Variants in SLC39A6 observed in about 807,000 individuals in gnomAD.
SLC39A6 encodes the protein solute carrier family 39 member 6.
Under a neutral mutation model 63.5 loss-of-function variants are expected in SLC39A6, and 51 were observed. The ratio of observed to expected loss-of-function variants is 0.80; its 90% CI spans 0.64 to 1.01. The LOEUF (loss-of-function observed/expected upper bound fraction) is 1.01. Among genes scored for constraint, SLC39A6 ranks in the 50% least tolerant of loss-of-function variants. The probability of loss-of-function intolerance (pLI) is 0.00; values close to 1 mark genes in which losing one functional copy is unlikely to be tolerated. For missense variants in SLC39A6, 805 were observed against 927.8 expected, an observed-to-expected ratio of 0.87 and a Z score of 1.72; for synonymous variants, 318 against 324.7, an observed-to-expected ratio of 0.98 and a Z score of 0.22.
At chr18:36,128,764 G>C (rs966813727) in intron 1 of SLC39A6, among the ~76,000 whole-genome samples, 3 of 152,166 alleles carry the variant, frequency 2.0e-5, no homozygotes, top group Non-Finnish European at 2.9e-5. Context: ...AAGGGCCTTA[G>C]AGAAAAAGGC....
At chr18:36,112,608 T>G (rs767200667) in intron 7 of SLC39A6, 27 bp from the exon 8 acceptor site, 1 of 1,565,186 alleles carries the variant, frequency 6.4e-7, no homozygotes, top group African/African-American at 1.4e-5. Flanking sequence ...CAGAAAAAGT[T>G]TGGCTACATT....
chr18:36,122,272 T>C lies in SLC39A6; in HGVS notation c.1141-2A>G. 6.3e-7 allele frequency: 1 copy of C among 1,596,280 alleles called. No individual in the cohort carries two copies. The highest frequency in any genetic ancestry group is 1.1e-5 in the South Asian group (1 of 88,720). ...ACTATGGTGGTGACTTGCATGAGAC[T>C]GAAGGCAAAATAATTTGTTATTTAT... On this transcript the variant is annotated splice_acceptor_variant, in intron 4 of 9. Coordinates refer to ENST00000269187, the MANE Select transcript of SLC39A6 (RefSeq NM_012319.4). LOFTEE classifies it high-confidence loss of function.
At position 36,124,704 on chromosome 18, in the gene SLC39A6, A is replaced by G; in HGVS notation, c.790-4T>C. ...GTAGCTTTGATGCATTGAAACACTGAAAGAAACAAAGCAGTGAAAATCACC... is the reference window on the plus strand; with the variant it reads ...GTAGCTTTGATGCATTGAAACACTGGAAGAAACAAAGCAGTGAAAATCACC... On this transcript the variant is annotated splice_polypyrimidine_tract_variant and splice_region_variant and intron_variant, in intron 2 of 9. Transcript: ENST00000269187. The G allele has an allele frequency of 1.3e-6, 2 of 1,532,176 alleles. No homozygotes were observed. Among genetic ancestry groups the G allele is most frequent in the Admixed American group, 1.7e-5 (1 of 58,808 alleles). The allele number at this position is 1,532,176 out of a possible 1,614,324, so 94.9% of individuals were successfully genotyped here.
rs1246661891 is a variant in SLC39A6 at position 36,109,110 on chromosome 18, TG to T, written c.*482del. ...CCCCTCTAATTTACAACAAATTTTG[TG>T]ATTTTTATAAGAATCTATGCCTCCC... On this transcript the variant is annotated 3_prime_UTR_variant, in exon 10 of 10. Coordinates refer to ENST00000269187, the MANE Select transcript of SLC39A6 (RefSeq NM_012319.4). The T allele has an allele frequency of 2.0e-5, 3 of 152,342 alleles. No homozygotes were observed. The East Asian group carries it at 5.8e-4, about 29-fold the overall frequency. The allele number at this position is 152,342 out of a possible 1,614,324, so 9.4% of individuals were successfully genotyped here.
chr18:36,124,900 T>C (rs1393501435), intron 2 of SLC39A6, among the ~76,000 whole-genome samples, 200 bp from the exon 3 acceptor site: 2 of 152,188 alleles, frequency 1.3e-5, no homozygotes, highest in Non-Finnish European at 2.9e-5. Context: ...CCACCTCTTC[T>C]ACCTCATCAG....
At chr18:36,128,238 G>T (rs2089463618) in intron 1 of SLC39A6, among the ~76,000 whole-genome samples, 1 of 152,160 alleles carries the variant, frequency 6.6e-6, no homozygotes, top group Admixed American at 6.5e-5. Flanking sequence ...GGAGGTGATG[G>T]TGGTCAAACT....
intron 2 of SLC39A6, among the ~76,000 whole-genome samples, chr18:36,125,686 T>C (rs2089431768): frequency 6.6e-6 from 1 of 151,984 alleles, no homozygotes; most frequent in Admixed American, 6.5e-5. Flanking sequence ...AAAAACCACA[T>C]GAACTCAGAA....
At chr18:36,118,306 GAGCTT>G (rs1390010475) in intron 5 of SLC39A6, among the ~76,000 whole-genome samples, 1 of 152,146 alleles carries the variant, frequency 6.6e-6, no homozygotes, top group African/African-American at 2.4e-5. Flanking sequence ...TGTTCTCATG[GAGCTT>G]ACTATCCACA....
Position 36,114,112 on chromosome 18 carries a change from C to T in SLC39A6, c.1828G>A (p.Asp610Asn), listed in dbSNP as rs757325970. The T allele has an allele frequency of 1.3e-5, 21 of 1,600,212 alleles. No individual in the cohort carries two copies. Among genetic ancestry groups the T allele is most frequent in the South Asian group, 1.1e-5 (1 of 89,720 alleles). The change falls in exon 7 of 10, where the codon GAT becomes AAT. Residue 610 changes from aspartate (D) to asparagine (N), a missense_variant. This residue lies in a region of SLC39A6 where 145 missense variants were observed against 227.2 expected (regional missense o/e 0.64). Coordinates refer to ENST00000269187, the MANE Select transcript of SLC39A6 (RefSeq NM_012319.4). ...AGATATATACCAATTGCTAGGCCATCGCTGAAATTGTGCAGGCCATCACCC... is the reference window on the plus strand; with the variant it reads ...AGATATATACCAATTGCTAGGCCATTGCTGAAATTGTGCAGGCCATCACCC... ...IMGDGLHNFS[D>N]GLAIGAAFTE...
In SLC39A6 at chr18:36,122,289, G is replaced by A; in HGVS notation, c.1141-19C>T. The A allele has an allele frequency of 6.4e-7, 1 of 1,570,320 alleles. No homozygotes were observed. Among genetic ancestry groups the A allele is most frequent in the East Asian group, 2.2e-5 (1 of 44,464 alleles). On this transcript the variant is annotated intron_variant, in intron 4 of 9. Transcript: ENST00000269187. ...CATGAGACTGAAGGCAAAATAATTT[G>A]TTATTTATAAATTCATCAGTTTCAC...
intron 9 of SLC39A6, among the ~76,000 whole-genome samples, chr18:36,110,747 G>C (rs991507156): frequency 6.6e-6 from 1 of 151,970 alleles, no homozygotes; most frequent in Admixed American, 6.6e-5. Flanking sequence ...TCACCATGTT[G>C]GCCAGCCTGG....
At chr18:36,113,381 G>A (rs946981180) in intron 7 of SLC39A6, among the ~76,000 whole-genome samples, 3 of 151,980 alleles carry the variant, frequency 2.0e-5, no homozygotes, top group African/African-American at 7.3e-5. Context: ...ATACAGACAT[G>A]AGCTACCGCA....
At chr18:36,113,017 C>G (rs1217186591) in intron 7 of SLC39A6, among the ~76,000 whole-genome samples, 1 of 152,178 alleles carries the variant, frequency 6.6e-6, no homozygotes, top group Non-Finnish European at 1.5e-5. Context: ...AGTGAGAAAA[C>G]TCTAAGACAA....
chr18:36,110,996 T>C, intron 9 of SLC39A6, 63 bp downstream of exon 9: 2 of 1,592,284 alleles, frequency 1.3e-6, no homozygotes, highest in East Asian at 4.5e-5. Flanking sequence ...AATGAGGCTT[T>C]ACCGAATATT....
intron 5 of SLC39A6, among the ~76,000 whole-genome samples, chr18:36,120,349 G>T (rs1330529188): frequency 6.6e-6 from 1 of 152,086 alleles, no homozygotes; most frequent in African/African-American, 2.4e-5. Context: ...CACAGAAGAT[G>T]ACTTCCTTGA....
Position 36,114,254 on chromosome 18 carries a change from A to G in SLC39A6, c.1686T>C (p.His562=). ...DDLIHHHHDY[H]HILHHHHHQN... Reference sequence around the variant, plus strand: ...GGTGGTGGTGATGATGGAGAATATGATGGTAGTCATGATGGTGGTGAATGA... The same window carrying G: ...GGTGGTGGTGATGATGGAGAATATGGTGGTAGTCATGATGGTGGTGAATGA... Residue 562 remains histidine, a synonymous_variant, in exon 7 of 10, where the codon CAT becomes CAC. Transcript: ENST00000269187. The G allele has an allele frequency of 1.9e-6, 3 of 1,614,028 alleles. No homozygotes were observed. The highest frequency in any genetic ancestry group is 2.5e-6 in the Non-Finnish European group (3 of 1,180,014).
In SLC39A6 at chr18:36,122,212, CT is replaced by C; in HGVS notation, c.1198del (p.Arg400GlufsTer13). ...SHEEPAMEMK[R>X]GPLFSHLSSQ... is the part of the protein sequence containing the mutation. ...AGACAGATGACTGAAAAGTGGTCCT[CT>C]TTTCATTTCCATTGCTGGTTCTTCA... is the stretch of plus-strand genomic sequence containing the variant. On this transcript the variant is annotated frameshift_variant, in exon 5 of 10. Coordinates refer to ENST00000269187, the MANE Select transcript of SLC39A6 (RefSeq NM_012319.4). LOFTEE classifies it high-confidence loss of function. 6.2e-7 allele frequency: 1 copy of C among 1,614,100 alleles called. No individual in the cohort carries two copies. The highest frequency in any genetic ancestry group is 8.5e-7 in the Non-Finnish European group (1 of 1,179,990).
rs559191273 is a variant in SLC39A6 at position 36,116,411 on chromosome 18, G to A, written c.1465+263C>T. On this transcript the variant is annotated intron_variant, in intron 6 of 9. Transcript: ENST00000269187. ...GTGTGGTAAAATAACTGGGGAATAT[G>A]AGTGAATGGGATACAGGAATTCTTT... Among the ~76,000 whole-genome samples, 46 of 152,288 alleles carry A rather than the reference G, an allele frequency of 3.0e-4. 1 individual carries two copies. The highest frequency in any genetic ancestry group is 6.8e-3 in the Middle Eastern group (2 of 294).
intron 5 of SLC39A6, 102 bp downstream of exon 5, chr18:36,121,949 TA>T: frequency 1.2e-6 from 1 of 807,192 alleles, no homozygotes; most frequent in African/African-American, 1.7e-5. Context: ...CCCTCTCAAA[TA>T]AAGCTCATAC....
Sources: allele counts gnomAD v4.1 joint callset (sites outside exome capture counted in the v4.1 genomes callset), GRCh38; gene constraint gnomAD v4.1.1; regional missense constraint gnomAD v4.1.1; transcripts MANE v1.5; gene names NCBI Gene and HGNC (gene_info 2026-07-23, HGNC 2026-07-21).